ANGPT4: variants seen among roughly 807,000 people sequenced by gnomAD.
The protein encoded by ANGPT4 is angiopoietin-4.
In ANGPT4, 50 loss-of-function variants were observed where a neutral mutation model predicts 53.0. The ratio of observed to expected loss-of-function variants is 0.94; its 90% CI spans 0.75 to 1.20. ANGPT4 has a LOEUF of 1.20. Among genes scored for constraint, ANGPT4 ranks in the 50% most tolerant of loss-of-function variants. ANGPT4 has a pLI of 0.00. For synonymous variants in ANGPT4, 251 were observed against 259.7 expected, an observed-to-expected ratio of 0.97 and a Z score of 0.32; for missense variants, 648 against 637.1, an observed-to-expected ratio of 1.02 and a Z score of -0.18.
chr20:886,920 T>G (rs1981638779), intron 3 of ANGPT4, among the ~76,000 whole-genome samples: 1 of 152,244 alleles, frequency 6.6e-6, no homozygotes, highest in Non-Finnish European at 1.5e-5. Flanking sequence ...GGATGTCAGC[T>G]TCACGAGGAC....
chr20:888,324 T>G lies in ANGPT4; in HGVS notation c.581A>C (p.Gln194Pro). Reference sequence around the variant, plus strand: ...TGCCAGGTGCCACACCCACCTGTTTTGGCCCTGAAGCTGCTGGAGCTTCTG... The same window carrying G: ...TGCCAGGTGCCACACCCACCTGTTTGGGCCCTGAAGCTGCTGGAGCTTCTG... ...QRQKLQQLQG[Q>P]NSALEKRLQA... Residue 194 changes from glutamine (Q) to proline (P), a missense_variant, in exon 3 of 9, where the codon CAA (glutamine) becomes CCA (proline). By Grantham distance (76) the Gln-to-Pro change is moderately conservative. Transcript: ENST00000381922. 6.2e-7 allele frequency: 1 copy of G among 1,613,206 alleles called. No individual in the cohort carries two copies. The highest frequency in any genetic ancestry group is 2.2e-5 in the East Asian group (1 of 44,856).
chr20:886,681 A>G (rs6039055), intron 3 of ANGPT4, among the ~76,000 whole-genome samples: 55,303 of 152,086 alleles, frequency 0.36, 11,187 homozygotes, highest in African/African-American at 0.54. Context: ...CTAGCACAAA[A>G]CCTATTTTAT....
In ANGPT4 at chr20:900,279, C is replaced by T. The variant is rs944737140; in HGVS notation, c.310-9911G>A. Among the ~76,000 whole-genome samples the T allele has an allele frequency of 1.1e-4, 16 of 152,158 alleles. 1 individual carries two copies. Among genetic ancestry groups the T allele is most frequent in the African/African-American group, 2.4e-4 (10 of 41,426 alleles). On this transcript the variant is annotated intron_variant, in intron 1 of 8. Transcript: ENST00000381922. ...TGAATGGTTGCTTGTAGATACTCGACGTTTTTTCATGCACCATGAAAATTG... is the reference window on the plus strand; with the variant it reads ...TGAATGGTTGCTTGTAGATACTCGATGTTTTTTCATGCACCATGAAAATTG...
chr20:873,608 G>A (rs12625616), intron 8 of ANGPT4, among the ~76,000 whole-genome samples: 19,103 of 151,698 alleles, frequency 0.13, 1,367 homozygotes, highest in East Asian at 0.26. Flanking sequence ...TCTGCCTTTC[G>A]TGTCTCTGGC....
intron 1 of ANGPT4, among the ~76,000 whole-genome samples, chr20:905,142 G>T (rs1982429392): frequency 6.6e-6 from 1 of 152,138 alleles, no homozygotes; most frequent in Non-Finnish European, 1.5e-5. Context: ...CCTCTGAGAA[G>T]CATTCCCTGA....
chr20:893,845 A>G (rs1285686700), intron 1 of ANGPT4, among the ~76,000 whole-genome samples: 1 of 152,206 alleles, frequency 6.6e-6, no homozygotes, highest in Non-Finnish European at 1.5e-5. Context: ...ACTAGTAAGT[A>G]CTGCCCACTG....
At position 878,447 on chromosome 20, in the gene ANGPT4, C is replaced by A. The variant is rs971992935; in HGVS notation, c.1054-120G>T. The A allele has an allele frequency of 7.0e-6, 7 of 1,004,202 alleles. No homozygotes were observed. In the East Asian group the frequency reaches 1.6e-4, roughly 23 times the overall value. 62.2% of individuals were successfully genotyped at this position (1,004,202 alleles called of 1,614,324 possible). On this transcript the variant is annotated intron_variant, in intron 6 of 8. Coordinates refer to ENST00000381922, the MANE Select transcript of ANGPT4 (RefSeq NM_015985.4). Reference sequence around the variant, plus strand: ...ATACAAAACCACTGTGCTTAATGATCGAGTTCATAAGTACAGTGTAGGCAG... The same window carrying A: ...ATACAAAACCACTGTGCTTAATGATAGAGTTCATAAGTACAGTGTAGGCAG...
chr20:876,444 C>T (rs929142868), intron 7 of ANGPT4, among the ~76,000 whole-genome samples: 25 of 152,148 alleles, frequency 1.6e-4, no homozygotes, highest in African/African-American at 5.8e-4. Flanking sequence ...TGGGAACAGC[C>T]GTGCTCCCAG....
intron 5 of ANGPT4, 66 bp downstream of exon 5, chr20:881,105 T>C: frequency 7.9e-7 from 1 of 1,261,580 alleles, no homozygotes. Context: ...GGGTGCGGGG[T>C]GTCTGTTTGG....
intron 1 of ANGPT4, among the ~76,000 whole-genome samples, chr20:899,274 G>T (rs1169497529): frequency 1.3e-5 from 2 of 151,202 alleles, no homozygotes; most frequent in Non-Finnish European, 2.9e-5. Flanking sequence ...TTGAGATGGA[G>T]TCTCTCTCTA....
In ANGPT4 at chr20:911,614, C is replaced by T. The variant is rs544139665; in HGVS notation, c.309+4292G>A. 1.3e-4 allele frequency among the ~76,000 whole-genome samples: 20 copies of T among 152,136 alleles called. No homozygotes were observed. Among genetic ancestry groups the T allele is most frequent in the Middle Eastern group, 3.4e-3 (1 of 294 alleles). On this transcript the variant is annotated intron_variant, in intron 1 of 8. Transcript: ENST00000381922. The surrounding 1 kb of genome is among the most constrained non-coding windows in gnomAD (Gnocchi z 4.9). ...GTTAGCAACAGTGAGTCAGGGCCAC[C>T]GCGAGAGCCCCAGGAGAGATCCACA...
rs1335176486 is a variant in ANGPT4, at chr20:914,285, G to T, written c.309+1621C>A. The stretch of plus-strand genomic sequence containing the variant: ...AAGAAAAAAAAACACAACAAAGCCA[G>T]CAGAGGGACAAAGGGTGGAAGAGGA... On this transcript the variant is annotated intron_variant, in intron 1 of 8. Transcript: ENST00000381922. The surrounding 1 kb of genome is among the most constrained non-coding windows in gnomAD (Gnocchi z 5.0). Among the ~76,000 whole-genome samples, 2 of 152,118 alleles carry T rather than the reference G, an allele frequency of 1.3e-5. No homozygotes were observed. The highest frequency in any genetic ancestry group is 2.9e-5 in the Non-Finnish European group (2 of 68,028).
At chr20:881,486 G>A (rs2122774247) in intron 4 of ANGPT4, among the ~76,000 whole-genome samples, 200 bp from the exon 5 acceptor site, 1 of 151,782 alleles carries the variant, frequency 6.6e-6, no homozygotes, top group East Asian at 1.9e-4. Flanking sequence ...TTGCCCAGTG[G>A]AGAAGGGGAA....
At chr20:891,311 T>C (rs903318580) in intron 1 of ANGPT4, among the ~76,000 whole-genome samples, 5 of 152,208 alleles carry the variant, frequency 3.3e-5, no homozygotes, top group Non-Finnish European at 7.3e-5. Context: ...ATCTGCCAAA[T>C]GGGGCTGGAC....
At position 872,988 on chromosome 20, in the gene ANGPT4, C is replaced by A. The variant is rs770474502; in HGVS notation, c.1484G>T (p.Arg495Leu). 2.5e-6 allele frequency: 4 copies of A among 1,614,066 alleles called. No individual in the cohort carries two copies. Among genetic ancestry groups the A allele is most frequent in the Admixed American group, 3.3e-5 (2 of 60,010 alleles). Residue 495 changes from arginine (R) to leucine (L), a missense_variant, in exon 9 of 9, where the codon CGC (arginine) becomes CTC (leucine). Arg to Leu is a moderately radical substitution (Grantham distance 102, BLOSUM62 -2). Coordinates refer to ENST00000381922, the MANE Select transcript of ANGPT4 (RefSeq NM_015985.4). ...GATGTCCAAAGGCCGTATCATCATG[C>A]GAGAGGCACGCAGTGAGTAGCTGGG... ...KGPSYSLRAS[R>L]MMIRPLDI
rs774574700 is a variant in ANGPT4 at position 879,741 on chromosome 20, G to A, written c.1053+6C>T. 4.4e-5 allele frequency: 71 copies of A among 1,611,574 alleles called. 2 individuals are homozygous for A. Among genetic ancestry groups the A allele is most frequent in the South Asian group, 3.6e-4 (33 of 90,874 alleles). On this transcript the variant is annotated splice_donor_region_variant and intron_variant, in intron 6 of 8. Transcript: ENST00000381922. ...GAATGGCCCCTCCCCAAGGCAGCAGGGCTACCTGTTTGTAATCCTTCCAGT... is the reference window on the plus strand; with the variant it reads ...GAATGGCCCCTCCCCAAGGCAGCAGAGCTACCTGTTTGTAATCCTTCCAGT...
chr20:896,011 A>C (rs1982033126), intron 1 of ANGPT4, among the ~76,000 whole-genome samples: 1 of 152,170 alleles, frequency 6.6e-6, no homozygotes, highest in Non-Finnish European at 1.5e-5. Context: ...AAACTCATGG[A>C]ACTATATGTG....
intron 1 of ANGPT4, among the ~76,000 whole-genome samples, chr20:898,082 C>A (rs1568847140): frequency 6.6e-6 from 1 of 151,548 alleles, no homozygotes; most frequent in Non-Finnish European, 1.5e-5. Context: ...CATCCCAAAT[C>A]TTTTTTTTTC....
At chr20:905,736 G>A (rs728265) in intron 1 of ANGPT4, among the ~76,000 whole-genome samples, 47,063 of 152,038 alleles carry the variant, frequency 0.31, 9,177 homozygotes, top group African/African-American at 0.55. Flanking sequence ...CAGATGTGCC[G>A]AGACCTGGGC....
Sources: allele counts gnomAD v4.1 joint callset (sites outside exome capture counted in the v4.1 genomes callset), GRCh38; gene constraint gnomAD v4.1.1; non-coding constraint Gnocchi (gnomAD v3.1); transcripts MANE v1.5; gene names NCBI Gene and HGNC (gene_info 2026-07-23, HGNC 2026-07-21).